Variants in THADA observed in about 807,000 individuals in gnomAD.
THADA encodes the protein tRNA (32-2'-O)-methyltransferase regulator THADA.
THADA carries 213 observed loss-of-function variants against 219.8 expected under a neutral mutation model. The ratio of observed to expected loss-of-function variants is 0.97; its 90% CI spans 0.87 to 1.09. The LOEUF is 1.09. Among genes scored for constraint, THADA ranks in the 50% least tolerant of loss-of-function variants. The probability of loss-of-function intolerance (pLI) is 0.00; values close to 1 mark genes in which losing one functional copy is unlikely to be tolerated. For missense variants in THADA, 2,956 were observed against 2,311.3 expected (o/e 1.28, Z -5.72); for synonymous variants, 1,018 against 828.9 (o/e 1.23, Z -3.92).
intron 29 of THADA, among the ~76,000 whole-genome samples, chr2:43,354,063 C>T (rs1439862801): frequency 6.6e-6 from 1 of 151,992 alleles, no homozygotes; most frequent in Non-Finnish European, 1.5e-5. Flanking sequence ...GTGATCCGCC[C>T]GCCTCAGCCT....
intron 36 of THADA, among the ~76,000 whole-genome samples, chr2:43,245,275 C>T (rs1224656579): frequency 6.8e-6 from 1 of 146,508 alleles, no homozygotes; most frequent in African/African-American, 2.6e-5. Context: ...TGGGTTCCAG[C>T]GATTCTCCTG....
Position 43,485,268 on chromosome 2 carries a change from T to TA in THADA, c.3801dup (p.Lys1268Ter). On this transcript the variant is annotated frameshift_variant, in exon 26 of 38. Transcript: ENST00000405975. LOFTEE classifies it high-confidence loss of function. The stretch of plus-strand genomic sequence containing the variant: ...TTGGAATGTTCATCCTTTGCCCTTT[T>TA]AACTCCAAAAATTCTTGTGATCAAG... The TA allele has an allele frequency of 1.2e-6, 2 of 1,613,226 alleles. No homozygotes were observed. The highest frequency in any genetic ancestry group is 1.7e-6 in the Non-Finnish European group (2 of 1,179,454).
chr2:43,433,701 T>G (rs1181425169), intron 26 of THADA, among the ~76,000 whole-genome samples: 1 of 152,188 alleles, frequency 6.6e-6, no homozygotes, highest in Non-Finnish European at 1.5e-5. Context: ...ATTTATTTAT[T>G]TTTTGAGACA....
chr2:43,403,817 C>A (rs562964957), intron 28 of THADA, among the ~76,000 whole-genome samples: 8 of 152,116 alleles, frequency 5.3e-5, no homozygotes, highest in Admixed American at 4.6e-4. Flanking sequence ...CTGACCCTGA[C>A]CCCACACCCC....
chr2:43,508,563 G>A lies in THADA; in HGVS notation c.3507+85C>T, dbSNP rs963038396. On this transcript the variant is annotated intron_variant, in intron 23 of 37. Coordinates refer to ENST00000405975, the MANE Select transcript of THADA (RefSeq NM_022065.5). ...CAGAAATGTCCTTTATGTGTAATACGCTCACTCACACGTCAAACAGGTTAG... is the reference window on the plus strand; with the variant it reads ...CAGAAATGTCCTTTATGTGTAATACACTCACTCACACGTCAAACAGGTTAG... 48 of 1,343,824 alleles carry A rather than the reference G, an allele frequency of 3.6e-5. No individual in the cohort carries two copies. The East Asian group carries it at 7.6e-4, about 21-fold the overall frequency. The allele number at this position is 1,343,824 out of a possible 1,614,324, so 83.2% of individuals were successfully genotyped here.
At chr2:43,438,832 T>G (rs1680483019) in intron 26 of THADA, among the ~76,000 whole-genome samples, 1 of 152,136 alleles carries the variant, frequency 6.6e-6, no homozygotes, top group Non-Finnish European at 1.5e-5. Flanking sequence ...AATTTATAAA[T>G]TAGGCAAAGT....
chr2:43,359,749 A>G (rs1669282437), intron 29 of THADA, among the ~76,000 whole-genome samples: 1 of 151,986 alleles, frequency 6.6e-6, no homozygotes, highest in South Asian at 2.1e-4. Context: ...TCTGACAATA[A>G]ACTCTGGACA....
chr2:43,578,908 T>C (rs909077145), intron 8 of THADA, among the ~76,000 whole-genome samples: 5 of 152,220 alleles, frequency 3.3e-5, no homozygotes, highest in African/African-American at 1.2e-4. Flanking sequence ...CTCAGCTCAC[T>C]GCAACCTCTA....
At chr2:43,511,595 C>T (rs1690455322) in intron 22 of THADA, among the ~76,000 whole-genome samples, 1 of 152,130 alleles carries the variant, frequency 6.6e-6, no homozygotes, top group Non-Finnish European at 1.5e-5. Flanking sequence ...CAAGTTCCTA[C>T]ACAAACTCCT....
chr2:43,254,868 G>A (rs370837825), intron 36 of THADA, among the ~76,000 whole-genome samples: 66 of 152,170 alleles, frequency 4.3e-4, no homozygotes, highest in East Asian at 9.7e-4. Context: ...TTGTTTTCTC[G>A]GTCCCCCCAC....
chr2:43,307,135 G>A (rs1676955115), intron 31 of THADA, among the ~76,000 whole-genome samples: 1 of 152,156 alleles, frequency 6.6e-6, no homozygotes, highest in African/African-American at 2.4e-5. Flanking sequence ...TTTAATCATT[G>A]GATATGAGCA....
chr2:43,398,111 G>A lies in THADA; in HGVS notation c.4087C>T (p.Arg1363Cys), dbSNP rs771492300. The A allele has an allele frequency of 1.7e-5, 27 of 1,613,822 alleles. No homozygotes were observed. The highest frequency in any genetic ancestry group is 1.6e-4 in the East Asian group (7 of 44,896). The change falls in exon 29 of 38, where the codon CGT becomes TGT. Residue 1363 changes from arginine to cysteine, a missense_variant. By Grantham distance (180) the Arg-to-Cys change is radical. Transcript: ENST00000405975. ...ACCAAGGCACGAGCTGCCATTTCAC[G>A]GGAGTGGTAGACAGGTGAGTGACCA... ...RCGHSPVYHSREMAARALVPF... is the reference protein window; with the variant it reads ...RCGHSPVYHSCEMAARALVPF...
intron 26 of THADA, among the ~76,000 whole-genome samples, chr2:43,477,182 T>C (rs926373692): frequency 6.6e-6 from 1 of 152,036 alleles, no homozygotes; most frequent in African/African-American, 2.4e-5. Context: ...CTTTAATCAG[T>C]ATCCCGACAG....
intron 26 of THADA, among the ~76,000 whole-genome samples, chr2:43,439,096 G>A (rs543172887): frequency 6.6e-6 from 1 of 152,232 alleles, no homozygotes; most frequent in Non-Finnish European, 1.5e-5. Flanking sequence ...AACCACTGGT[G>A]ACCAGTAACG....
intron 25 of THADA, among the ~76,000 whole-genome samples, chr2:43,489,560 G>A (rs1376582995): frequency 6.6e-6 from 1 of 151,970 alleles, no homozygotes; most frequent in Non-Finnish European, 1.5e-5. Flanking sequence ...TCTGAATATG[G>A]TATGAGATGG....
intron 16 of THADA, among the ~76,000 whole-genome samples, chr2:43,556,908 A>C (rs1311963551): frequency 6.6e-6 from 1 of 152,080 alleles, no homozygotes; most frequent in East Asian, 1.9e-4. Flanking sequence ...CTTACTCTAC[A>C]AAAACTCTAC....
At chr2:43,528,699 T>C (rs1430383712) in intron 21 of THADA, among the ~76,000 whole-genome samples, 1 of 152,218 alleles carries the variant, frequency 6.6e-6, no homozygotes, top group Non-Finnish European at 1.5e-5. Context: ...TTATAGCTCA[T>C]GTTATTCAAC....
chr2:43,515,249 TATATATAATATATAATATATAATATATA>T (rs1402586041), intron 22 of THADA, among the ~76,000 whole-genome samples: 5 of 13,566 alleles, frequency 3.7e-4, no homozygotes, highest in Admixed American at 2.6e-3. Context: ...TATAATATAT[TATATATAATATATAATATATAATATATA>T]ATATATTATA....
Position 43,551,788 on chromosome 2 carries a change from C to G in THADA, c.2947+1G>C. On this transcript the variant is annotated splice_donor_variant, in intron 19 of 37. Transcript: ENST00000405975. LOFTEE classifies it high-confidence loss of function. ...CTAGCCGGCCTTCTTCATTTGCTAA[C>G]CTGAATCAGTGTCCATTGGGATGAG... 1 of 1,611,476 alleles carries G rather than the reference C, an allele frequency of 6.2e-7. No individual in the cohort carries two copies. The highest frequency in any genetic ancestry group is 1.1e-5 in the South Asian group (1 of 90,574).
Sources: gnomAD v4.1 joint callset for allele counts (sites outside exome capture counted in the v4.1 genomes callset) on GRCh38, gnomAD v4.1.1 for gene constraint, MANE v1.5 for transcripts, NCBI Gene and HGNC (gene_info 2026-07-23, HGNC 2026-07-21) for gene names.